The following ELMO1 variants were observed in gnomAD, a reference collection of about 807,000 sequenced individuals.
ELMO1 encodes engulfment and cell motility protein 1.
A neutral mutation model predicts 98.9 loss-of-function variants in ELMO1; 26 were observed. The ratio of observed to expected loss-of-function variants is 0.26; its 90% CI spans 0.19 to 0.36. ELMO1 has a LOEUF of 0.36. Ranked by LOEUF, ELMO1 falls within the 10% of genes least tolerant of loss-of-function variation. ELMO1 has a pLI of 1.00. For missense variants in ELMO1, 627 were observed against 935.2 expected (o/e 0.67, Z 4.30); for synonymous variants, 346 against 346.0 (o/e 1.00, Z 0.00).
intron 16 of ELMO1, among the ~76,000 whole-genome samples, chr7:36,928,160 G>C (rs997844818): frequency 6.6e-6 from 1 of 152,186 alleles, no homozygotes; most frequent in Non-Finnish European, 1.5e-5. Flanking sequence ...TTTGATTCAA[G>C]TGAGGCTTCA....
intron 21 of ELMO1, among the ~76,000 whole-genome samples, chr7:36,861,020 A>G (rs888812228): frequency 1.2e-4 from 19 of 152,258 alleles, no homozygotes; most frequent in Admixed American, 3.9e-4. Flanking sequence ...ATCTAAAAAT[A>G]AAAGTTTCAA....
intron 5 of ELMO1, among the ~76,000 whole-genome samples, chr7:37,266,067 C>T (rs1034431117): frequency 4.6e-5 from 7 of 152,138 alleles, no homozygotes; most frequent in Non-Finnish European, 8.8e-5. Flanking sequence ...GTGCCCTGGC[C>T]GCCCCTGCAA....
intron 13 of ELMO1, among the ~76,000 whole-genome samples, chr7:37,166,032 T>C (rs1789658343): frequency 6.6e-6 from 1 of 152,234 alleles, no homozygotes; most frequent in Non-Finnish European, 1.5e-5. Context: ...TATTGGTCTA[T>C]TCAGAGATTC....
chr7:36,914,876 C>A (rs538469542), intron 16 of ELMO1, among the ~76,000 whole-genome samples: 1 of 148,372 alleles, frequency 6.7e-6, no homozygotes, highest in East Asian at 2.0e-4. Flanking sequence ...AGTAAACTGC[C>A]TTCTGGTATA....
chr7:37,048,826 T>G (rs1018814693), intron 15 of ELMO1, among the ~76,000 whole-genome samples: 11 of 152,174 alleles, frequency 7.2e-5, no homozygotes, highest in Admixed American at 7.2e-4. Flanking sequence ...TGCAGTAACC[T>G]ATTTGGATAG....
At chr7:37,005,449 CG>C (rs1377230574) in intron 16 of ELMO1, among the ~76,000 whole-genome samples, 19 of 151,970 alleles carry the variant, frequency 1.3e-4, no homozygotes, top group Admixed American at 1.2e-3. Flanking sequence ...CCCAGCACTT[CG>C]GGAGGCCAAG....
intron 1 of ELMO1, among the ~76,000 whole-genome samples, chr7:37,391,058 T>TCCTTCCTTCCTC (rs1562660996): frequency 2.9e-5 from 3 of 103,708 alleles, no homozygotes; most frequent in African/African-American, 1.2e-4. Flanking sequence ...CTTCCTTCCT[T>TCCTTCCTTCCTC]CCTCCCTCCC....
intron 1 of ELMO1, among the ~76,000 whole-genome samples, chr7:37,401,532 T>C (rs948231971): frequency 1.3e-5 from 2 of 152,186 alleles, no homozygotes; most frequent in African/African-American, 4.8e-5. Context: ...ACAAGTTTAA[T>C]TGACTTACAG....
At chr7:36,927,620 T>A (rs1785685940) in intron 16 of ELMO1, among the ~76,000 whole-genome samples, 1 of 152,184 alleles carries the variant, frequency 6.6e-6, no homozygotes, top group African/African-American at 2.4e-5. Context: ...AAGCTTACAG[T>A]ACACAAGGCA....
In ELMO1 at chr7:36,870,740, T is replaced by TA. The variant is rs1803435200; in HGVS notation, c.1823-266dup. On this transcript the variant is annotated intron_variant, in intron 19 of 21. Coordinates refer to ENST00000310758, the MANE Select transcript of ELMO1 (RefSeq NM_014800.11). This position sits in a 1 kb window ranked among gnomAD's most constrained non-coding sequence, Gnocchi z 4.4. ...AATTTGGTTCAGTGAAACAAAGACC[T>TA]AAAAAAACACCCATCATAGTACTGT... is the stretch of plus-strand genomic sequence containing the variant. 2.0e-5 allele frequency among the ~76,000 whole-genome samples: 3 copies of TA among 152,118 alleles called. No individual in the cohort carries two copies. Among genetic ancestry groups the TA allele is most frequent in the Admixed American group, 1.3e-4 (2 of 15,276 alleles).
chr7:36,950,508 G>A (rs1185259800), intron 16 of ELMO1, among the ~76,000 whole-genome samples: 1 of 152,122 alleles, frequency 6.6e-6, no homozygotes, highest in East Asian at 1.9e-4. Flanking sequence ...TCTGTCTTTG[G>A]TTCAACCCCT....
intron 15 of ELMO1, among the ~76,000 whole-genome samples, chr7:37,044,837 A>C (rs1584558597): frequency 6.6e-6 from 1 of 152,142 alleles, no homozygotes; most frequent in Admixed American, 6.6e-5. Context: ...CCCCTTCCCT[A>C]GTCTTCCCTT....
chr7:37,384,592 C>T (rs1031754042), intron 1 of ELMO1, among the ~76,000 whole-genome samples: 5 of 151,940 alleles, frequency 3.3e-5, no homozygotes, highest in Non-Finnish European at 4.4e-5. Context: ...CGGTGGTGGG[C>T]GCCTGTAGTC....
At chr7:37,365,794 G>A (rs1431025690) in intron 1 of ELMO1, among the ~76,000 whole-genome samples, 1 of 152,190 alleles carries the variant, frequency 6.6e-6, no homozygotes, top group Non-Finnish European at 1.5e-5. Context: ...TTTCGAGGCA[G>A]AGACATAGTA....
chr7:37,221,480 T>C (rs903448847), intron 10 of ELMO1, among the ~76,000 whole-genome samples: 1 of 152,120 alleles, frequency 6.6e-6, no homozygotes, highest in African/African-American at 2.4e-5. Context: ...AGGAAGGAAA[T>C]TGTGACCAGG....
chr7:36,866,930 C>T (rs1265338210), intron 20 of ELMO1, among the ~76,000 whole-genome samples: 2 of 152,120 alleles, frequency 1.3e-5, no homozygotes. Flanking sequence ...CAGGTAAAAT[C>T]GTGGCTTTCC....
chr7:37,091,657 G>C (rs563501600), intron 15 of ELMO1, among the ~76,000 whole-genome samples: 1 of 152,084 alleles, frequency 6.6e-6, no homozygotes, highest in Non-Finnish European at 1.5e-5. Context: ...TTGAAGACTT[G>C]CTCCTTTCTT....
chr7:37,357,815 G>C (rs1053867711), intron 1 of ELMO1, among the ~76,000 whole-genome samples: 4 of 152,224 alleles, frequency 2.6e-5, no homozygotes, highest in Non-Finnish European at 2.9e-5. Flanking sequence ...TGGCCATACG[G>C]CCATACTGTG....
chr7:37,336,249 C>T (rs770314714), intron 2 of ELMO1, among the ~76,000 whole-genome samples: 6 of 152,026 alleles, frequency 3.9e-5, no homozygotes, highest in Non-Finnish European at 7.4e-5. Flanking sequence ...AAGAACATAT[C>T]TAATGGTCCC....
Sources: allele counts gnomAD v4.1 joint callset (sites outside exome capture counted in the v4.1 genomes callset), GRCh38; gene constraint gnomAD v4.1.1; non-coding constraint Gnocchi (gnomAD v3.1); transcripts MANE v1.5; gene names NCBI Gene and HGNC (gene_info 2026-07-23, HGNC 2026-07-21).